SPOCK1: variants seen among roughly 807,000 people sequenced by gnomAD.
SPOCK1 encodes the protein SPARC (osteonectin), cwcv and kazal like domains proteoglycan 1.
A neutral mutation model predicts 55.3 loss-of-function variants in SPOCK1; 23 were observed. The observed-to-expected ratio is 0.42, with a 90% CI of 0.30 to 0.59. The LOEUF (loss-of-function observed/expected upper bound fraction) is 0.59, where lower values mean the gene tolerates loss of function less well. SPOCK1 is among the 20% of genes least tolerant of loss of function. SPOCK1 has a pLI of 0.22. For missense variants in SPOCK1, 499 were observed against 552.5 expected (o/e 0.90, Z 0.97); for synonymous variants, 226 against 221.0 (o/e 1.02, Z -0.20).
At position 137,358,363 on chromosome 5, in the gene SPOCK1, G is replaced by A. The variant is rs1051818300; in HGVS notation, c.187-91308C>T. On this transcript the variant is annotated intron_variant, in intron 2 of 10. Transcript: ENST00000394945. The stretch of plus-strand genomic sequence containing the variant: ...CTCTTACCCCTGATCTGTACAACAC[G>A]TTTGGCTCTTATTACCTTCATGACG... Among the ~76,000 whole-genome samples, 7 of 139,586 alleles carry A rather than the reference G, an allele frequency of 5.0e-5. No individual in the cohort carries two copies. The South Asian group carries it at 7.5e-4, about 15-fold the overall frequency. The allele number at this position is 139,586 out of a possible 152,430, so 91.6% of individuals were successfully genotyped here. A position where few individuals can be genotyped will look rare whatever the true frequency, so the allele number is the denominator to read the frequency against.
intron 2 of SPOCK1, among the ~76,000 whole-genome samples, chr5:137,268,740 T>C (rs1483840534): frequency 6.6e-6 from 1 of 152,132 alleles, no homozygotes; most frequent in Non-Finnish European, 1.5e-5. Flanking sequence ...GGATCAACCG[T>C]TCATCCTTCC....
Position 137,132,519 on chromosome 5 carries a change from G to C in SPOCK1, c.347+8061C>G, listed in dbSNP as rs1055259615. ...AACTGCAGCCCCATTATTCTGGGCA[G>C]AACTGCAGAGAAGGGCAGTACACTT... is the stretch of plus-strand genomic sequence containing the variant. On this transcript the variant is annotated intron_variant, in intron 4 of 10. Coordinates refer to ENST00000394945, the MANE Select transcript of SPOCK1 (RefSeq NM_004598.4). 3.3e-5 allele frequency among the ~76,000 whole-genome samples: 5 copies of C among 152,208 alleles called. No individual in the cohort carries two copies. The South Asian group carries it at 1.0e-3, about 31-fold the overall frequency.
At chr5:137,208,326 G>A (rs987260086) in intron 3 of SPOCK1, among the ~76,000 whole-genome samples, 10 of 152,240 alleles carry the variant, frequency 6.6e-5, no homozygotes, top group Admixed American at 4.6e-4. Context: ...TGAACTGGAG[G>A]ATGTTGTCCT....
At chr5:136,984,584 G>T (rs1286188593) in intron 9 of SPOCK1, among the ~76,000 whole-genome samples, 5 of 152,198 alleles carry the variant, frequency 3.3e-5, no homozygotes, top group Non-Finnish European at 7.4e-5. Flanking sequence ...AGTTGTGCAT[G>T]TTAGGGGAAC....
In SPOCK1 at chr5:137,365,669, A is replaced by C. The variant is rs184553453; in HGVS notation, c.187-98614T>G. Among the ~76,000 whole-genome samples the C allele has an allele frequency of 1.1e-3, 168 of 152,300 alleles. 3 individuals are homozygous for C. The South Asian group carries it at 0.025, about 22-fold the overall frequency. On this transcript the variant is annotated intron_variant, in intron 2 of 10. Coordinates refer to ENST00000394945, the MANE Select transcript of SPOCK1 (RefSeq NM_004598.4). ...AATTTCCCCATAATTCATGTTAATCATTCCACTCTCGTAATATGAATCATC... is the reference window on the plus strand; with the variant it reads ...AATTTCCCCATAATTCATGTTAATCCTTCCACTCTCGTAATATGAATCATC...
At chr5:137,074,487 GC>G (rs1336618977) in intron 5 of SPOCK1, among the ~76,000 whole-genome samples, 1 of 152,104 alleles carries the variant, frequency 6.6e-6, no homozygotes, top group Non-Finnish European at 1.5e-5. Flanking sequence ...ACACAAATGT[GC>G]CAAAATACTA....
In SPOCK1 at chr5:136,978,723, G is replaced by A; in HGVS notation, c.1251C>T (p.Thr417=). The A allele has an allele frequency of 1.2e-6, 2 of 1,613,914 alleles. No individual in the cohort carries two copies. Among genetic ancestry groups the A allele is most frequent in the Non-Finnish European group, 1.7e-6 (2 of 1,179,966 alleles). The change falls in exon 11 of 11, where the codon ACC becomes ACT. Residue 417 remains threonine, a synonymous_variant. Transcript: ENST00000394945. ...KDKEGKLRVH[T]RAVTEDDEDE... is the part of the protein sequence containing the mutation. Reference sequence around the variant, plus strand: ...CCTCATCATCCTCTGTCACGGCTCGGGTGTGCACCCTCAGCTTCCCCTCTT... The same window carrying A: ...CCTCATCATCCTCTGTCACGGCTCGAGTGTGCACCCTCAGCTTCCCCTCTT...
At chr5:137,076,122 CAG>C (rs1752754626) in intron 5 of SPOCK1, among the ~76,000 whole-genome samples, 1 of 152,136 alleles carries the variant, frequency 6.6e-6, no homozygotes. Context: ...CTGGATGCAG[CAG>C]AGAGCCCAGA....
chr5:137,114,422 G>A (rs909743852), intron 4 of SPOCK1, among the ~76,000 whole-genome samples: 1 of 152,150 alleles, frequency 6.6e-6, no homozygotes, highest in Non-Finnish European at 1.5e-5. Flanking sequence ...TTCTTTGAGG[G>A]CACCCATATG....
chr5:137,474,009 A>G (rs1561545144), intron 2 of SPOCK1, among the ~76,000 whole-genome samples: 1 of 152,206 alleles, frequency 6.6e-6, no homozygotes. Context: ...CAAATATCAC[A>G]TGTTCTCACT....
intron 2 of SPOCK1, among the ~76,000 whole-genome samples, chr5:137,419,812 T>C (rs1325137700): frequency 6.6e-6 from 1 of 152,170 alleles, no homozygotes; most frequent in East Asian, 1.9e-4. Flanking sequence ...CTGCCAGTTT[T>C]CCCTGGCCAG....
intron 2 of SPOCK1, among the ~76,000 whole-genome samples, chr5:137,319,693 C>A (rs1252057133): frequency 6.6e-6 from 1 of 152,258 alleles, no homozygotes; most frequent in Non-Finnish European, 1.5e-5. Context: ...CGCCTGTAAT[C>A]CCAGCACTTT....
intron 2 of SPOCK1, among the ~76,000 whole-genome samples, chr5:137,319,525 T>C (rs889910485): frequency 5.9e-5 from 9 of 152,204 alleles, no homozygotes; most frequent in African/African-American, 1.9e-4. Context: ...ATGTTTTCAG[T>C]AGAGTGATGC....
chr5:137,136,571 T>C (rs1753988760), intron 4 of SPOCK1, among the ~76,000 whole-genome samples: 1 of 152,202 alleles, frequency 6.6e-6, no homozygotes, highest in Admixed American at 6.5e-5. Context: ...GAAGAAAATA[T>C]TCCACAATAT....
At chr5:137,371,194 CA>C (rs1713885408) in intron 2 of SPOCK1, among the ~76,000 whole-genome samples, 1 of 152,238 alleles carries the variant, frequency 6.6e-6, no homozygotes, top group Non-Finnish European at 1.5e-5. Context: ...AATAGTGCCA[CA>C]ACTTGAGAAT....
intron 3 of SPOCK1, among the ~76,000 whole-genome samples, chr5:137,251,844 G>A (rs536407156): frequency 6.6e-6 from 1 of 152,174 alleles, no homozygotes; most frequent in Admixed American, 6.5e-5. Context: ...ACTGATTCAG[G>A]TATTTTATAT....
At chr5:137,069,158 C>T (rs1427098515) in intron 5 of SPOCK1, among the ~76,000 whole-genome samples, 1 of 152,200 alleles carries the variant, frequency 6.6e-6, no homozygotes, top group East Asian at 1.9e-4. Context: ...AGAGGACAAG[C>T]TATTCAGTCC....
chr5:137,196,525 G>C (rs1755301633), intron 3 of SPOCK1, among the ~76,000 whole-genome samples: 1 of 152,176 alleles, frequency 6.6e-6, no homozygotes, highest in Admixed American at 6.5e-5. Flanking sequence ...CCATCACAGA[G>C]TATTTAAACA....
chr5:137,036,262 A>C (rs1400896956), intron 6 of SPOCK1, among the ~76,000 whole-genome samples: 1 of 148,030 alleles, frequency 6.8e-6, no homozygotes, highest in East Asian at 2.0e-4. Flanking sequence ...GGTTGATCAC[A>C]TAGTTCTGGA....
Sources: allele counts gnomAD v4.1 joint callset (sites outside exome capture counted in the v4.1 genomes callset), GRCh38; gene constraint gnomAD v4.1.1; transcripts MANE v1.5; gene names NCBI Gene and HGNC (gene_info 2026-07-23, HGNC 2026-07-21).